The following CAMK1D variants were observed in gnomAD, a reference collection of about 807,000 sequenced individuals.
CAMK1D encodes the protein calcium/calmodulin dependent protein kinase ID.
CAMK1D carries 9 observed loss-of-function variants against 47.7 expected under a neutral mutation model. The ratio of observed to expected loss-of-function variants is 0.19; its 90% CI spans 0.11 to 0.33. CAMK1D has a LOEUF of 0.33. CAMK1D is among the 10% of genes least tolerant of loss of function. The pLI, the probability that CAMK1D is intolerant of heterozygous loss-of-function variation, is 1.00. For missense variants in CAMK1D, 291 were observed against 488.7 expected, an observed-to-expected ratio of 0.60 and a Z score of 3.81; for synonymous variants, 184 against 184.9, an observed-to-expected ratio of 0.99 and a Z score of 0.04.
intron 6 of CAMK1D, among the ~76,000 whole-genome samples, chr10:12,792,804 T>C (rs926874105): frequency 1.3e-5 from 2 of 152,222 alleles, no homozygotes; most frequent in African/African-American, 4.8e-5. Flanking sequence ...TCACCTGAGC[T>C]TTAAAACTAA....
At chr10:12,667,763 C>A (rs1840479795) in intron 3 of CAMK1D, among the ~76,000 whole-genome samples, 1 of 152,150 alleles carries the variant, frequency 6.6e-6, no homozygotes, top group Non-Finnish European at 1.5e-5. Flanking sequence ...CTCACAATTT[C>A]TTTTCCATAG....
intron 1 of CAMK1D, among the ~76,000 whole-genome samples, chr10:12,462,880 C>T (rs566526365): frequency 2.0e-5 from 3 of 152,248 alleles, no homozygotes; most frequent in Admixed American, 6.5e-5. Flanking sequence ...ATTTCTAACC[C>T]GTTAAGGTAA....
chr10:12,707,735 A>G (rs1364818716), intron 3 of CAMK1D, among the ~76,000 whole-genome samples: 1 of 152,160 alleles, frequency 6.6e-6, no homozygotes, highest in Non-Finnish European at 1.5e-5. Context: ...GGACAAGTAA[A>G]TGTTTTGAGG....
chr10:12,760,191 C>T (rs904261804), intron 3 of CAMK1D, among the ~76,000 whole-genome samples: 3 of 152,194 alleles, frequency 2.0e-5, no homozygotes, highest in African/African-American at 7.2e-5. Context: ...GTTGCCCCCA[C>T]AGGGCTTCTT....
At chr10:12,539,052 C>T (rs190602394) in intron 1 of CAMK1D, among the ~76,000 whole-genome samples, 5 of 152,206 alleles carry the variant, frequency 3.3e-5, no homozygotes, top group Admixed American at 2.0e-4. Context: ...CAGGCATGAG[C>T]CACCACGCCT....
At chr10:12,755,137 A>C (rs1836170912) in intron 3 of CAMK1D, among the ~76,000 whole-genome samples, 2 of 152,218 alleles carry the variant, frequency 1.3e-5, no homozygotes, top group Non-Finnish European at 2.9e-5. Flanking sequence ...GATTTTAAAA[A>C]ATTATTAAAG....
At chr10:12,488,752 G>A (rs1411535922) in intron 1 of CAMK1D, among the ~76,000 whole-genome samples, 1 of 152,102 alleles carries the variant, frequency 6.6e-6, no homozygotes, top group African/African-American at 2.4e-5. Context: ...TAAGGAGTGT[G>A]GAACCTAGAT....
intron 3 of CAMK1D, among the ~76,000 whole-genome samples, chr10:12,694,070 TAAAA>T (rs1302756421): frequency 3.6e-4 from 21 of 58,742 alleles, no homozygotes; most frequent in African/African-American, 8.3e-4. Context: ...ATATAATATA[TAAAA>T]AATATTATGT....
At chr10:12,560,293 C>G (rs572198362) in intron 2 of CAMK1D, among the ~76,000 whole-genome samples, 37 of 152,178 alleles carry the variant, frequency 2.4e-4, no homozygotes, top group African/African-American at 8.9e-4. Flanking sequence ...TGGCTCACGC[C>G]TGTAATCACA....
At chr10:12,620,813 T>C (rs1838975660) in intron 2 of CAMK1D, among the ~76,000 whole-genome samples, 1 of 152,242 alleles carries the variant, frequency 6.6e-6, no homozygotes, top group Non-Finnish European at 1.5e-5. Flanking sequence ...TACAGGATGC[T>C]TTTGGTTTCA....
At chr10:12,407,269 G>A (rs1839470956) in intron 1 of CAMK1D, among the ~76,000 whole-genome samples, 1 of 152,242 alleles carries the variant, frequency 6.6e-6, no homozygotes. Flanking sequence ...ACTGGACTCA[G>A]TTGCCCATGG....
chr10:12,599,139 T>G (rs915174684), intron 2 of CAMK1D, among the ~76,000 whole-genome samples: 7 of 152,228 alleles, frequency 4.6e-5, no homozygotes, highest in African/African-American at 1.7e-4. Context: ...CATCATTATT[T>G]GTTGAACAGT....
At chr10:12,661,314 CTTAG>C (rs1297104385) in intron 2 of CAMK1D, among the ~76,000 whole-genome samples, 1 of 152,146 alleles carries the variant, frequency 6.6e-6, no homozygotes, top group African/African-American at 2.4e-5. Flanking sequence ...AGTCTCATAA[CTTAG>C]TTAAGTTATA....
intron 1 of CAMK1D, among the ~76,000 whole-genome samples, chr10:12,430,632 T>A (rs1318003385): frequency 2.6e-5 from 4 of 152,192 alleles, no homozygotes; most frequent in Non-Finnish European, 5.9e-5. Flanking sequence ...ACCACACGCT[T>A]CCTTAGGGCA....
At chr10:12,528,107 G>A (rs1428734027) in intron 1 of CAMK1D, among the ~76,000 whole-genome samples, 1 of 152,224 alleles carries the variant, frequency 6.6e-6, no homozygotes, top group Non-Finnish European at 1.5e-5. Flanking sequence ...GGTGGGTAGT[G>A]TTAGTCCCAT....
chr10:12,529,151 C>CTCATCG (rs1267869150), intron 1 of CAMK1D, among the ~76,000 whole-genome samples: 1 of 152,002 alleles, frequency 6.6e-6, no homozygotes, highest in African/African-American at 2.4e-5. Context: ...CATCTTCACC[C>CTCATCG]TCATCGTCAT....
chr10:12,468,996 C>T (rs1227010488), intron 1 of CAMK1D, among the ~76,000 whole-genome samples: 1 of 152,072 alleles, frequency 6.6e-6, no homozygotes, highest in Non-Finnish European at 1.5e-5. Context: ...ACATAGCGTC[C>T]TGCCCGGGCA....
chr10:12,367,216 A>AAAT (rs1370535473), intron 1 of CAMK1D, among the ~76,000 whole-genome samples: 1 of 132,662 alleles, frequency 7.5e-6, no homozygotes, highest in Admixed American at 7.8e-5. Context: ...TCATGACATA[A>AAAT]AATAAACACT....
At chr10:12,817,357 A>AT (rs554915449) in intron 8 of CAMK1D, among the ~76,000 whole-genome samples, 136 of 152,284 alleles carry the variant, frequency 8.9e-4, no homozygotes, top group Admixed American at 2.3e-3. Flanking sequence ...GAAGTTACAT[A>AT]TTTTTTTCCT....
Sources: gnomAD v4.1 joint callset for allele counts (sites outside exome capture counted in the v4.1 genomes callset) on GRCh38, gnomAD v4.1.1 for gene constraint, MANE v1.5 for transcripts, NCBI Gene and HGNC (gene_info 2026-07-23, HGNC 2026-07-21) for gene names.